The following ASIC2 variants were observed in gnomAD, a reference collection of about 807,000 sequenced individuals.
The protein encoded by ASIC2 is acid sensing ion channel subunit 2, also known as acid-sensing ion channel 2.
Under a neutral mutation model 57.3 loss-of-function variants are expected in ASIC2, and 25 were observed. That is an observed-to-expected ratio of 0.44 (90% confidence interval 0.32 to 0.61). The LOEUF is 0.61. ASIC2 is among the 20% of genes least tolerant of loss of function. The pLI is 0.06. For missense variants in ASIC2, 641 were observed against 738.1 expected (o/e 0.87, Z 1.52); for synonymous variants, 319 against 307.5 (o/e 1.04, Z -0.39).
chr17:33,263,023 T>C (rs1471666966), intron 1 of ASIC2, among the ~76,000 whole-genome samples: 1 of 152,182 alleles, frequency 6.6e-6, no homozygotes, highest in Non-Finnish European at 1.5e-5. Flanking sequence ...GCTCCGTAAA[T>C]GAGCTCTTTA....
chr17:33,702,891 C>T (rs537740366), intron 1 of ASIC2, among the ~76,000 whole-genome samples: 1 of 152,268 alleles, frequency 6.6e-6, no homozygotes, highest in South Asian at 2.1e-4. Flanking sequence ...GAACTAGGGG[C>T]ATTAGGTTCC....
In ASIC2 at chr17:33,486,051, T is replaced by TC. The variant is rs555690617; in HGVS notation, c.556-373985dup. 3.5e-3 allele frequency among the ~76,000 whole-genome samples: 529 copies of TC among 152,244 alleles called. 3 individuals are homozygous for TC. The highest frequency in any genetic ancestry group is 0.012 in the African/African-American group (515 of 41,552). On this transcript the variant is annotated intron_variant, in intron 1 of 9. Coordinates refer to the ASIC2 transcript ENST00000359872. ...GCTTCACCTGCCAACCCAGAGCTCA[T>TC]CCCCTCTCTCCCTTCCTGATTTGCT...
chr17:33,832,185 A>G (rs1225738150), intron 1 of ASIC2, among the ~76,000 whole-genome samples: 1 of 152,232 alleles, frequency 6.6e-6, no homozygotes. Context: ...TTCTCCCTCA[A>G]TGTAGAAATA....
chr17:33,145,243 C>T (rs1392296935), intron 1 of ASIC2, among the ~76,000 whole-genome samples: 1 of 152,258 alleles, frequency 6.6e-6, no homozygotes, highest in African/African-American at 2.4e-5. Context: ...CAGCTCAGGT[C>T]TGCACCCTTC....
chr17:33,826,661 T>A (rs8070829), intron 1 of ASIC2, among the ~76,000 whole-genome samples: 1 of 152,062 alleles, frequency 6.6e-6, no homozygotes, highest in African/African-American at 2.4e-5. Context: ...TTTTCTACCA[T>A]GCCTTATTAC....
chr17:33,133,657 G>A (rs2092356556), intron 1 of ASIC2, among the ~76,000 whole-genome samples: 1 of 152,192 alleles, frequency 6.6e-6, no homozygotes, highest in Non-Finnish European at 1.5e-5. Flanking sequence ...CTGCCATGAG[G>A]CAGTTCAAGA....
At chr17:33,332,452 G>GGTGT (rs1451013420) in intron 1 of ASIC2, among the ~76,000 whole-genome samples, 1 of 152,116 alleles carries the variant, frequency 6.6e-6, no homozygotes, top group Non-Finnish European at 1.5e-5. Flanking sequence ...TTGGCGATCT[G>GGTGT]GTGTGTGTGT....
chr17:33,516,056 G>A (rs1914555427), intron 1 of ASIC2, among the ~76,000 whole-genome samples: 1 of 152,094 alleles, frequency 6.6e-6, no homozygotes, highest in Non-Finnish European at 1.5e-5. Flanking sequence ...AGTGAGCCAA[G>A]ATCCTGACAC....
At chr17:33,255,292 G>A (rs1419767481) in intron 1 of ASIC2, among the ~76,000 whole-genome samples, 1 of 151,618 alleles carries the variant, frequency 6.6e-6, no homozygotes, top group African/African-American at 2.4e-5. Context: ...CACTCACCTC[G>A]GCCTCCCAAA....
At chr17:33,273,152 A>C (rs1904572882) in intron 1 of ASIC2, among the ~76,000 whole-genome samples, 1 of 152,224 alleles carries the variant, frequency 6.6e-6, no homozygotes, top group African/African-American at 2.4e-5. Flanking sequence ...AAAAAATAAA[A>C]GCTTAAGGTG....
chr17:33,068,431 G>A (rs958380652), intron 3 of ASIC2, among the ~76,000 whole-genome samples: 2 of 152,180 alleles, frequency 1.3e-5, no homozygotes, highest in African/African-American at 4.8e-5. Flanking sequence ...TACTCAGGAG[G>A]CTGAGGCAGG....
At chr17:34,083,179 C>A (rs1375655471) in intron 1 of ASIC2, among the ~76,000 whole-genome samples, 9 of 124,408 alleles carry the variant, frequency 7.2e-5, no homozygotes, top group South Asian at 3.3e-4. Context: ...CCCCTCCCCC[C>A]ACCCCACAAC....
intron 1 of ASIC2, among the ~76,000 whole-genome samples, chr17:33,335,619 C>A (rs1907483773): frequency 6.6e-6 from 1 of 152,150 alleles, no homozygotes; most frequent in Admixed American, 6.5e-5. Flanking sequence ...GGAGAACCTA[C>A]ACTTGTGAGG....
chr17:33,413,148 T>C (rs1040097559), intron 1 of ASIC2, among the ~76,000 whole-genome samples: 3 of 152,156 alleles, frequency 2.0e-5, no homozygotes, highest in Non-Finnish European at 4.4e-5. Context: ...TCCAAGGTTC[T>C]TGGGGTCAAG....
chr17:33,282,563 C>T (rs567591434), intron 1 of ASIC2, among the ~76,000 whole-genome samples: 4 of 152,208 alleles, frequency 2.6e-5, no homozygotes, highest in Non-Finnish European at 4.4e-5. Context: ...TAACCTCCGC[C>T]TCCCAGGTTC....
chr17:33,689,006 C>T (rs1226883139), intron 1 of ASIC2: 1 of 152,206 alleles, frequency 6.6e-6, no homozygotes, highest in East Asian at 1.9e-4. Context: ...GAAACATCTG[C>T]TGCTTTCACT....
At chr17:33,336,689 A>G (rs1412361067) in intron 1 of ASIC2, among the ~76,000 whole-genome samples, 4 of 152,176 alleles carry the variant, frequency 2.6e-5, no homozygotes, top group African/African-American at 7.2e-5. Context: ...GGCGGTGATC[A>G]GCATTTTCCA....
At chr17:34,002,998 T>G (rs572492385) in intron 1 of ASIC2, 1 of 152,358 alleles carries the variant, frequency 6.6e-6, no homozygotes, top group African/African-American at 2.4e-5. Flanking sequence ...GAATGAATGA[T>G]GCCTATCAGA....
At chr17:33,050,055 T>C (rs2091969357) in intron 3 of ASIC2, among the ~76,000 whole-genome samples, 1 of 152,180 alleles carries the variant, frequency 6.6e-6, no homozygotes, top group Admixed American at 6.5e-5. Context: ...AAGAAAATGC[T>C]ATCGGGTAAG....
Sources: allele counts gnomAD v4.1 joint callset (sites outside exome capture counted in the v4.1 genomes callset), GRCh38; gene constraint gnomAD v4.1.1; transcripts MANE v1.5; gene names NCBI Gene and HGNC (gene_info 2026-07-23, HGNC 2026-07-21).